The following PCDHGA11 variants were observed in gnomAD, a reference collection of about 807,000 sequenced individuals.
PCDHGA11 encodes protocadherin gamma subfamily A, 11.
In PCDHGA11, 39 loss-of-function variants were observed where a neutral mutation model predicts 60.4. That is an observed-to-expected ratio of 0.65 (90% confidence interval 0.50 to 0.84). The LOEUF is 0.84. Ranked by LOEUF, PCDHGA11 falls within the 40% of genes least tolerant of loss-of-function variation. The pLI is 0.00. For missense variants in PCDHGA11, 1,165 were observed against 1,197.7 expected (o/e 0.97, Z 0.40); for synonymous variants, 533 against 510.3 (o/e 1.04, Z -0.60).
rs1216200329 is a variant in PCDHGA11, at chr5:141,491,485, C to G, written c.2434-3322C>G. ...CTTCTATAAGCAGTCCAGCCCCAAC[C>G]TGCAGGTGAGCTCGGACGGCACGCT... On this transcript the variant is annotated intron_variant, in intron 1 of 3. Coordinates refer to ENST00000398587, the MANE Select transcript of PCDHGA11 (RefSeq NM_018914.3). This position sits in a 1 kb window ranked among gnomAD's most constrained non-coding sequence, Gnocchi z 6.9. 6.2e-7 allele frequency: 1 copy of G among 1,614,148 alleles called. No individual in the cohort carries two copies. The highest frequency in any genetic ancestry group is 1.3e-5 in the African/African-American group (1 of 75,064).
chr5:141,438,811 G>T (rs2098067148), intron 1 of PCDHGA11, among the ~76,000 whole-genome samples: 1 of 149,790 alleles, frequency 6.7e-6, no homozygotes, highest in East Asian at 2.0e-4. Context: ...ACAGGCGCCT[G>T]TCACCATGCC....
At chr5:141,456,837 C>G (rs550771859) in intron 1 of PCDHGA11, among the ~76,000 whole-genome samples, 70 of 152,194 alleles carry the variant, frequency 4.6e-4, no homozygotes, top group Non-Finnish European at 8.2e-4. Context: ...GTAGTGGGCG[C>G]CTGTAATCCC....
In PCDHGA11 at chr5:141,490,000, A is replaced by G. The variant is rs762999106; in HGVS notation, c.2434-4807A>G. The G allele has an allele frequency of 6.2e-7, 1 of 1,614,198 alleles. No individual in the cohort carries two copies. Among genetic ancestry groups the G allele is most frequent in the Admixed American group, 1.7e-5 (1 of 60,032 alleles). ...AGTTCTACGTGTGGGAATCCCAGAG[A>G]ATGCACCCATTGGTACTCTGCTGCT... On this transcript the variant is annotated intron_variant, in intron 1 of 3. Coordinates refer to ENST00000398587, the MANE Select transcript of PCDHGA11 (RefSeq NM_018914.3). The surrounding 1 kb of genome is among the most constrained non-coding windows in gnomAD (Gnocchi z 4.5).
At chr5:141,424,784 C>T (rs1351935601) in intron 1 of PCDHGA11, 2 of 152,062 alleles carry the variant, frequency 1.3e-5, no homozygotes, top group Non-Finnish European at 2.9e-5. Context: ...ACATTCAGTT[C>T]TTTTATTCAG....
chr5:141,431,610 T>A lies in PCDHGA11; in HGVS notation c.2433+7950T>A. The stretch of plus-strand genomic sequence containing the variant: ...GAAGTGAGGTATTCCTTCCGGTATG[T>A]GGACGACAAGGCGGCCCAAGTTTTC... On this transcript the variant is annotated intron_variant, in intron 1 of 3. Transcript: ENST00000398587. The surrounding 1 kb of genome is among the most constrained non-coding windows in gnomAD (Gnocchi z 4.8). 6.2e-7 allele frequency: 1 copy of A among 1,614,238 alleles called. No homozygotes were observed. Among genetic ancestry groups the A allele is most frequent in the Non-Finnish European group, 8.5e-7 (1 of 1,180,034 alleles).
rs775366249 is a variant in PCDHGA11 at position 141,421,081 on chromosome 5, A to G, written c.-147A>G. The G allele has an allele frequency of 9.6e-5, 61 of 637,820 alleles. No individual in the cohort carries two copies. The highest frequency in any genetic ancestry group is 1.4e-4 in the Non-Finnish European group (52 of 380,284). The allele number at this position is 637,820 out of a possible 1,614,324, so 39.5% of individuals were successfully genotyped here. A position where few individuals can be genotyped will look rare whatever the true frequency, so the allele number is the denominator to read the frequency against. On this transcript the variant is annotated 5_prime_UTR_variant, in exon 1 of 4. Coordinates refer to ENST00000398587, the MANE Select transcript of PCDHGA11 (RefSeq NM_018914.3). The stretch of plus-strand genomic sequence containing the variant: ...ACAAAGCGGAATGAGATGGATACTC[A>G]CAGATCCTGACACTGGAGACTTAGA...
intron 1 of PCDHGA11, among the ~76,000 whole-genome samples, chr5:141,488,839 G>A (rs954244872): frequency 2.6e-5 from 4 of 152,206 alleles, no homozygotes; most frequent in African/African-American, 9.6e-5. Flanking sequence ...CAAGGGGGCT[G>A]AATCAACCTG....
chr5:141,478,095 C>T, intron 1 of PCDHGA11: 5 of 1,614,100 alleles, frequency 3.1e-6, no homozygotes, highest in Non-Finnish European at 4.2e-6. Context: ...TCCACCACTG[C>T]TACCCTCACT....
At chr5:141,468,194 G>A (rs959390749) in intron 1 of PCDHGA11, among the ~76,000 whole-genome samples, 21 of 151,716 alleles carry the variant, frequency 1.4e-4, no homozygotes, top group South Asian at 2.1e-4. Flanking sequence ...GCATGGTGGC[G>A]GGTGCCTGTA....
chr5:141,505,405 C>T lies in PCDHGA11; in HGVS notation c.2505C>T (p.Gly835=), dbSNP rs745516568. 2.5e-6 allele frequency: 4 copies of T among 1,614,130 alleles called. No individual in the cohort carries two copies. The highest frequency in any genetic ancestry group is 3.3e-4 in the Middle Eastern group (2 of 6,062). ...QRPGTSGSQN[G]DDTGTWPNNQ... ...ACTCTCTCCCCAGCTCCCAAAATGG[C>T]GATGACACCGGCACCTGGCCCAACA... Residue 835 remains glycine (G), a synonymous_variant, in exon 3 of 4, where the codon GGC becomes GGT. Transcript: ENST00000398587.
At chr5:141,438,610 A>G (rs2098013566) in intron 1 of PCDHGA11, among the ~76,000 whole-genome samples, 1 of 30,060 alleles carries the variant, frequency 3.3e-5, no homozygotes, top group African/African-American at 2.4e-4. Flanking sequence ...ATATATATAT[A>G]TATATATATA....
intron 1 of PCDHGA11, among the ~76,000 whole-genome samples, chr5:141,434,451 A>C (rs145324240): frequency 6.6e-6 from 1 of 152,210 alleles, no homozygotes; most frequent in Non-Finnish European, 1.5e-5. Context: ...GCTGGAAGGT[A>C]GTGGGTTTAC....
intron 1 of PCDHGA11, chr5:141,428,502 G>T: frequency 7.1e-6 from 2 of 282,686 alleles, no homozygotes; most frequent in Non-Finnish European, 6.9e-6. Flanking sequence ...ATGTTCCCTC[G>T]GATTCTAGAA....
Position 141,462,070 on chromosome 5 carries a change from G to A in PCDHGA11, c.2434-32737G>A, listed in dbSNP as rs572217894. Among the ~76,000 whole-genome samples the A allele has an allele frequency of 2.6e-5, 4 of 152,196 alleles. No homozygotes were observed. In the East Asian group the frequency reaches 7.7e-4, roughly 29 times the overall value. Reference sequence around the variant, plus strand: ...ACTCCCGACCTCAGGTGATCTGCCCGCCTTGGCCTCCCAAAATGCTGGGAT... The same window carrying A: ...ACTCCCGACCTCAGGTGATCTGCCCACCTTGGCCTCCCAAAATGCTGGGAT... On this transcript the variant is annotated intron_variant, in intron 1 of 3. Transcript: ENST00000398587.
Position 141,476,658 on chromosome 5 carries a change from C to A in PCDHGA11, c.2434-18149C>A, listed in dbSNP as rs182518072. On this transcript the variant is annotated intron_variant, in intron 1 of 3. Transcript: ENST00000398587. The surrounding 1 kb of genome is among the most constrained non-coding windows in gnomAD (Gnocchi z 7.6). ...GAGCTGAGCCGAAATGAATACTTTGCGCTTCGCGTGCAGACGCGGGAGGAC... is the reference window on the plus strand; with the variant it reads ...GAGCTGAGCCGAAATGAATACTTTGAGCTTCGCGTGCAGACGCGGGAGGAC... 2 of 1,614,244 alleles carry A rather than the reference C, an allele frequency of 1.2e-6. No homozygotes were observed. The highest frequency in any genetic ancestry group is 2.2e-5 in the East Asian group (1 of 44,878).
At chr5:141,510,906 C>G in intron 3 of PCDHGA11, 41 bp from the exon 4 acceptor site, 1 of 1,613,582 alleles carries the variant, frequency 6.2e-7, no homozygotes, top group Non-Finnish European at 8.5e-7. Context: ...TGTTGAGGAC[C>G]CTAAGTTTAG....
chr5:141,457,579 A>G (rs557894260), intron 1 of PCDHGA11, among the ~76,000 whole-genome samples: 123 of 152,346 alleles, frequency 8.1e-4, no homozygotes, highest in Non-Finnish European at 1.4e-3. Flanking sequence ...TTTTCTCTCC[A>G]GTCCTCATTT....
intron 2 of PCDHGA11, among the ~76,000 whole-genome samples, chr5:141,504,997 AC>A (rs554150488): frequency 9.9e-5 from 15 of 152,238 alleles, no homozygotes; most frequent in African/African-American, 2.9e-4. Flanking sequence ...CCCCGTCTGT[AC>A]TAAAAATACA....
chr5:141,426,238 T>C, intron 1 of PCDHGA11: 1 of 158,644 alleles, frequency 6.3e-6, no homozygotes, highest in Admixed American at 5.9e-5. Context: ...AAGCACTTTG[T>C]GAAACATTTT....
Sources: gnomAD v4.1 joint callset for allele counts (sites outside exome capture counted in the v4.1 genomes callset) on GRCh38, gnomAD v4.1.1 for gene constraint, Gnocchi (gnomAD v3.1) non-coding constraint, MANE v1.5 for transcripts, NCBI Gene and HGNC (gene_info 2026-07-23, HGNC 2026-07-21) for gene names.